The following DIS3L2 variants were observed in gnomAD, a reference collection of about 807,000 sequenced individuals.
DIS3L2 encodes DIS3 like 3'-5' exoribonuclease 2.
DIS3L2 carries 34 observed loss-of-function variants against 97.5 expected under a neutral mutation model. The ratio of observed to expected loss-of-function variants is 0.35; its 90% confidence interval spans 0.27 to 0.46. The LOEUF (loss-of-function observed/expected upper bound fraction) is 0.46, where lower values mean the gene tolerates loss of function less well. DIS3L2 is among the 20% of genes least tolerant of loss of function. The pLI, the probability that DIS3L2 is intolerant of heterozygous loss-of-function variation, is 1.00. For missense variants in DIS3L2, 1,038 were observed against 1,146.0 expected (o/e 0.91, Z 1.36); for synonymous variants, 435 against 445.2 (o/e 0.98, Z 0.29).
intron 1 of DIS3L2, among the ~76,000 whole-genome samples, chr2:232,005,078 G>C (rs1022141153): frequency 1.3e-5 from 2 of 150,512 alleles, no homozygotes; most frequent in Non-Finnish European, 3.0e-5. Context: ...GATGTTTTCT[G>C]GGTTCTTAGT....
At chr2:232,156,504 T>A (rs1013201726) in intron 8 of DIS3L2, among the ~76,000 whole-genome samples, 5 of 152,044 alleles carry the variant, frequency 3.3e-5, no homozygotes, top group Admixed American at 1.3e-4. Flanking sequence ...GTTTTTTTTT[T>A]AATAGAATGT....
rs201189209 is a variant in DIS3L2 at position 232,335,854 on chromosome 2, G to C, written c.2476G>C (p.Glu826Gln). The change falls in exon 20 of 21, where the codon GAG becomes CAG. Residue 826 changes from glutamate to glutamine, a missense_variant. By Grantham distance (29) the Glu-to-Gln change is conservative. This residue lies in a region of DIS3L2 where 221 missense variants were observed against 246.9 expected (regional missense o/e 0.90). Coordinates refer to ENST00000325385, the MANE Select transcript of DIS3L2 (RefSeq NM_152383.5). ...LTLVWEPEDM[E>Q]QEPAQQVITI... is the part of the protein sequence containing the mutation. ...GCTGGTCTGGGAGCCTGAGGACATGGAGCAGGAGCCAGCACAGCAGGTCAG... is the reference window on the plus strand; with the variant it reads ...GCTGGTCTGGGAGCCTGAGGACATGCAGCAGGAGCCAGCACAGCAGGTCAG... 5 of 1,550,660 alleles carry C rather than the reference G, an allele frequency of 3.2e-6. No individual in the cohort carries two copies. The highest frequency in any genetic ancestry group is 2.0e-5 in the Admixed American group (1 of 51,002).
chr2:232,090,204 G>A (rs1425814658), intron 6 of DIS3L2, among the ~76,000 whole-genome samples: 1 of 152,076 alleles, frequency 6.6e-6, no homozygotes, highest in Non-Finnish European at 1.5e-5. Context: ...CAAAGCGCTG[G>A]GATTACAGGT....
At chr2:232,258,703 ACT>A (rs550323790) in intron 12 of DIS3L2, among the ~76,000 whole-genome samples, 18 of 151,006 alleles carry the variant, frequency 1.2e-4, no homozygotes, top group Non-Finnish European at 1.9e-4. Context: ...TCCGTGAAAA[ACT>A]CTGTCCTTTT....
intron 9 of DIS3L2, among the ~76,000 whole-genome samples, chr2:232,189,128 G>A (rs551146705): frequency 1.5e-4 from 23 of 152,270 alleles, no homozygotes; most frequent in African/African-American, 5.3e-4. Flanking sequence ...TCACTCAAAC[G>A]TTGCCGGTGG....
At chr2:231,995,684 T>C (rs1184487938) in intron 1 of DIS3L2, among the ~76,000 whole-genome samples, 1 of 152,214 alleles carries the variant, frequency 6.6e-6, no homozygotes, top group African/African-American at 2.4e-5. Flanking sequence ...TGGCTCCCAC[T>C]TGATTTTTAG....
chr2:232,249,625 G>T (rs1693364866), intron 12 of DIS3L2, among the ~76,000 whole-genome samples: 1 of 152,256 alleles, frequency 6.6e-6, no homozygotes. Context: ...GGAGGCTTAT[G>T]CAGGAGACAG....
At chr2:232,329,627 G>T in intron 14 of DIS3L2, 186 bp from the exon 15 acceptor site, 1 of 561,768 alleles carries the variant, frequency 1.8e-6, no homozygotes, top group Non-Finnish European at 3.0e-6. Context: ...GGTGCAGGGA[G>T]ACCATGGGGG....
At chr2:232,216,309 G>A (rs1185309095) in intron 10 of DIS3L2, among the ~76,000 whole-genome samples, 3 of 152,120 alleles carry the variant, frequency 2.0e-5, no homozygotes, top group Admixed American at 6.5e-5. Context: ...ACTCTTCCTT[G>A]GACTCAAAGG....
Position 232,276,696 on chromosome 2 carries a change from A to G in DIS3L2, c.1659+13256A>G, listed in dbSNP as rs1488411497. Among the ~76,000 whole-genome samples the G allele has an allele frequency of 6.6e-6, 1 of 152,230 alleles. No homozygotes were observed. Among genetic ancestry groups the G allele is most frequent in the Non-Finnish European group, 1.5e-5 (1 of 68,032 alleles). ...ACAAGAGAATGTAGTGATCAAGAGC[A>G]TGGACCCTGGGTCAGACTGCCTGGG... is the stretch of plus-strand genomic sequence containing the variant. On this transcript the variant is annotated intron_variant, in intron 13 of 20. Coordinates refer to ENST00000325385, the MANE Select transcript of DIS3L2 (RefSeq NM_152383.5). The surrounding 1 kb of genome is among the most constrained non-coding windows in gnomAD (Gnocchi z 4.4).
At chr2:232,094,734 A>AAT (rs1387677204) in intron 6 of DIS3L2, among the ~76,000 whole-genome samples, 1 of 143,768 alleles carries the variant, frequency 7.0e-6, no homozygotes, top group Non-Finnish European at 1.5e-5. Context: ...AAAAAAAAAA[A>AAT]AGAAAGAAAA....
intron 7 of DIS3L2, among the ~76,000 whole-genome samples, chr2:232,135,300 G>A (rs1406089042): frequency 6.6e-6 from 1 of 152,100 alleles, no homozygotes; most frequent in East Asian, 1.9e-4. Flanking sequence ...AGAAGAGGGT[G>A]CACATACATG....
At chr2:232,314,309 C>T (rs926713105) in intron 14 of DIS3L2, among the ~76,000 whole-genome samples, 2 of 152,108 alleles carry the variant, frequency 1.3e-5, no homozygotes, top group East Asian at 3.9e-4. Context: ...TATTTTTAAG[C>T]CCTGTAGAGT....
At chr2:232,265,873 AT>A (rs1233802515) in intron 13 of DIS3L2, among the ~76,000 whole-genome samples, 1 of 152,230 alleles carries the variant, frequency 6.6e-6, no homozygotes, top group Non-Finnish European at 1.5e-5. Context: ...AGAAAAGACT[AT>A]GTAGAATTCC....
chr2:232,254,807 G>A (rs1468825408), intron 12 of DIS3L2, among the ~76,000 whole-genome samples: 1 of 152,216 alleles, frequency 6.6e-6, no homozygotes, highest in Non-Finnish European at 1.5e-5. Flanking sequence ...GAGCAGGTGT[G>A]AAGTAGGCAC....
In DIS3L2 at chr2:232,039,769, A is replaced by T. The variant is rs530464292; in HGVS notation, c.366+9689A>T. ...GTGAGAGTGACTGGTTTGAGGACTG[A>T]GAGTTTTTGGCAGAACCAGGGATAG... On this transcript the variant is annotated intron_variant, in intron 5 of 20. Coordinates refer to ENST00000325385, the MANE Select transcript of DIS3L2 (RefSeq NM_152383.5). Among the ~76,000 whole-genome samples the T allele has an allele frequency of 6.6e-5, 10 of 152,274 alleles. No individual in the cohort carries two copies. The South Asian group carries it at 2.1e-3, about 32-fold the overall frequency.
chr2:232,314,648 T>G (rs967690072), intron 14 of DIS3L2, among the ~76,000 whole-genome samples: 4 of 152,246 alleles, frequency 2.6e-5, no homozygotes, highest in Non-Finnish European at 1.5e-5. Context: ...CATTGTCGAT[T>G]TAACATAGAG....
intron 1 of DIS3L2, among the ~76,000 whole-genome samples, chr2:232,007,544 C>G (rs766437669): frequency 6.6e-6 from 1 of 152,100 alleles, no homozygotes; most frequent in Non-Finnish European, 1.5e-5. Flanking sequence ...GCTATGTTGC[C>G]CAGGCTGGTC....
At chr2:232,081,139 T>C (rs1305002485) in intron 5 of DIS3L2, among the ~76,000 whole-genome samples, 2 of 152,192 alleles carry the variant, frequency 1.3e-5, no homozygotes, top group East Asian at 1.9e-4. Context: ...ATTTCCTATA[T>C]TGGATCAGGT....
Sources: allele counts gnomAD v4.1 joint callset (sites outside exome capture counted in the v4.1 genomes callset), GRCh38; gene constraint gnomAD v4.1.1; regional missense constraint gnomAD v4.1.1; non-coding constraint Gnocchi (gnomAD v3.1); transcripts MANE v1.5; gene names NCBI Gene and HGNC (gene_info 2026-07-23, HGNC 2026-07-21).